The following EML5 variants were observed in gnomAD, a reference collection of about 807,000 sequenced individuals.
The protein encoded by EML5 is EMAP like 5.
Under a neutral mutation model 250.0 loss-of-function variants are expected in EML5, and 120 were observed. That is an observed-to-expected ratio of 0.48 (90% CI 0.41 to 0.56). The LOEUF (loss-of-function observed/expected upper bound fraction) is 0.56, where lower values mean the gene tolerates loss of function less well. Ranked by LOEUF, EML5 falls within the 20% of genes least tolerant of loss-of-function variation. EML5 has a pLI of 0.00. For synonymous variants in EML5, 771 were observed against 806.5 expected (o/e 0.96, Z 0.75); for missense variants, 2,006 against 2,437.6 (o/e 0.82, Z 3.73).
At position 88,643,138 on chromosome 14, in the gene EML5, G is replaced by C. The variant is rs187642452; in HGVS notation, c.4108-116C>G. ...CAGTCAAAATGGAGTATGCATTTTT[G>C]ATGTTTTACAAACTTAATATACAAA... On this transcript the variant is annotated intron_variant, in intron 30 of 43. Coordinates refer to ENST00000554922, the MANE Select transcript of EML5 (RefSeq NM_183387.3). 718 of 1,028,440 alleles carry C rather than the reference G, an allele frequency of 7.0e-4. 11 individuals carry two copies. In the East Asian group the frequency reaches 0.02, roughly 28 times the overall value. 63.7% of individuals were successfully genotyped at this position (1,028,440 alleles called of 1,614,324 possible).
chr14:88,637,751 C>T (rs1363088304), intron 32 of EML5, among the ~76,000 whole-genome samples: 2 of 152,136 alleles, frequency 1.3e-5, no homozygotes, highest in Admixed American at 6.6e-5. Flanking sequence ...TTTCTTCATT[C>T]CTCAAGGAGA....
At chr14:88,754,825 A>G (rs1297855105) in intron 1 of EML5, among the ~76,000 whole-genome samples, 154 bp from the exon 2 acceptor site, 1 of 152,216 alleles carries the variant, frequency 6.6e-6, no homozygotes, top group African/African-American at 2.4e-5. Flanking sequence ...TTTTGTTGAG[A>G]CAGAGTCTCG....
chr14:88,637,911 C>G (rs1463151070), intron 32 of EML5, among the ~76,000 whole-genome samples: 1 of 152,052 alleles, frequency 6.6e-6, no homozygotes, highest in Non-Finnish European at 1.5e-5. Flanking sequence ...AAGTAGAAAA[C>G]TGTACAAAAA....
intron 19 of EML5, among the ~76,000 whole-genome samples, chr14:88,685,698 C>T (rs976634809): frequency 6.6e-6 from 1 of 152,090 alleles, no homozygotes; most frequent in Non-Finnish European, 1.5e-5. Context: ...GTTCCACCCA[C>T]CTGGGCCTCC....
At chr14:88,703,551 AT>A (rs1258916367) in intron 13 of EML5, among the ~76,000 whole-genome samples, 2 of 152,230 alleles carry the variant, frequency 1.3e-5, no homozygotes, top group Non-Finnish European at 2.9e-5. Flanking sequence ...AATTCATAAA[AT>A]ACAACTGCAT....
At position 88,702,523 on chromosome 14, in the gene EML5, G is replaced by T. The variant is rs1286985230; in HGVS notation, c.2161C>A (p.Arg721Ser). 8 of 1,613,052 alleles carry T rather than the reference G, an allele frequency of 5.0e-6. No individual in the cohort carries two copies. The highest frequency in any genetic ancestry group is 5.9e-6 in the Non-Finnish European group (7 of 1,179,502). The change falls in exon 14 of 44, where the codon CGT (arginine) becomes AGT (serine). Residue 721 changes from arginine (R) to serine (S), a missense_variant. Physicochemically the swap from Arg to Ser is moderately radical, Grantham distance 110. Around this residue, in one of 7 missense-constraint regions of EML5, gnomAD observed 1,375 missense variants for 1,590.3 expected, o/e 0.86. Transcript: ENST00000554922. ...VIYNRQQNTQ[R>S]FYLGHDDDIL... is the part of the protein sequence containing the mutation. ...TCATCATCATGACCCAGATAAAAAC[G>T]CTGTGTGTTTTGCTGTCGATTATAA...
intron 13 of EML5, 129 bp from the exon 14 acceptor site, chr14:88,702,761 A>T: frequency 1.6e-6 from 1 of 640,854 alleles, no homozygotes. Flanking sequence ...ATACTAAACA[A>T]TTTTTTTTCA....
chr14:88,786,759 A>G (rs1057445034), intron 1 of EML5, among the ~76,000 whole-genome samples: 4 of 152,126 alleles, frequency 2.6e-5, no homozygotes, highest in Admixed American at 1.3e-4. Flanking sequence ...TGCTGCCGCC[A>G]TGTAAGAACT....
chr14:88,622,068 T>G, intron 37 of EML5: 1 of 300,844 alleles, frequency 3.3e-6, no homozygotes, highest in Non-Finnish European at 6.8e-6. Context: ...ACCACTATTC[T>G]ACTCTCCACC....
intron 32 of EML5, among the ~76,000 whole-genome samples, chr14:88,638,118 A>C (rs2090842992): frequency 6.6e-6 from 1 of 152,214 alleles, no homozygotes; most frequent in Admixed American, 6.5e-5. Flanking sequence ...CAATGATTTC[A>C]ATAAATTTTA....
At chr14:88,648,467 C>T (rs529067025) in intron 28 of EML5, among the ~76,000 whole-genome samples, 9 of 152,216 alleles carry the variant, frequency 5.9e-5, no homozygotes, top group African/African-American at 2.2e-4. Context: ...CATCTTCCTG[C>T]CACAGCATCC....
intron 14 of EML5, among the ~76,000 whole-genome samples, chr14:88,697,491 C>T (rs568104772): frequency 6.6e-6 from 1 of 152,074 alleles, no homozygotes; most frequent in East Asian, 1.9e-4. Flanking sequence ...GGTTAAAGTA[C>T]CAAGCATGTC....
intron 36 of EML5, chr14:88,623,948 GCCT>G (rs2089505097): frequency 1.3e-5 from 2 of 152,206 alleles, no homozygotes; most frequent in Non-Finnish European, 2.9e-5. Context: ...CTGAAAGCAT[GCCT>G]ATGTGCATTC....
At chr14:88,685,657 C>T (rs1398581760) in intron 19 of EML5, among the ~76,000 whole-genome samples, 4 of 151,828 alleles carry the variant, frequency 2.6e-5, no homozygotes, top group African/African-American at 9.7e-5. Flanking sequence ...GCCATTTTGC[C>T]CAGACTGATC....
At position 88,620,225 on chromosome 14, in the gene EML5, C is replaced by T. The variant is rs963720550; in HGVS notation, c.5375+529G>A. 4 of 152,144 alleles carry T rather than the reference C, an allele frequency of 2.6e-5. No homozygotes were observed. The highest frequency in any genetic ancestry group is 5.9e-5 in the Non-Finnish European group (4 of 68,050). The allele number at this position is 152,144 out of a possible 1,614,324, so 9.4% of individuals were successfully genotyped here. On this transcript the variant is annotated intron_variant, in intron 39 of 43. Transcript: ENST00000554922. This position sits in a 1 kb window ranked among gnomAD's most constrained non-coding sequence, Gnocchi z 4.3. ...TCAATAATCTTATCTACTGATCACA[C>T]GGAAGTACTCCGTAAATGGTAGCCA...
chr14:88,756,077 G>A (rs2094155113), intron 1 of EML5, among the ~76,000 whole-genome samples: 1 of 152,100 alleles, frequency 6.6e-6, no homozygotes, highest in Admixed American at 6.6e-5. Context: ...GAAGAGAGGG[G>A]TCTAAGATGA....
At chr14:88,673,304 T>C (rs559187798) in intron 21 of EML5, among the ~76,000 whole-genome samples, 68 of 152,188 alleles carry the variant, frequency 4.5e-4, no homozygotes, top group Non-Finnish European at 9.1e-4. Flanking sequence ...TATCTCAGTA[T>C]ATGCAGAAAA....
In EML5 at chr14:88,716,310, A is replaced by T. The variant is rs73327331; in HGVS notation, c.1188-1115T>A. On this transcript the variant is annotated intron_variant, in intron 8 of 43. Transcript: ENST00000554922. ...ATTTGAAGCTTCTGTACTTTTTTTT[A>T]AAGTTTCCCTGGTCAACATCACTTC... 1.4e-3 allele frequency among the ~76,000 whole-genome samples: 215 copies of T among 152,234 alleles called. 2 individuals carry two copies. The highest frequency in any genetic ancestry group is 5.1e-3 in the African/African-American group (211 of 41,540).
At chr14:88,645,303 G>T (rs1333632257) in intron 29 of EML5, among the ~76,000 whole-genome samples, 1 of 152,226 alleles carries the variant, frequency 6.6e-6, no homozygotes, top group Non-Finnish European at 1.5e-5. Context: ...TGGGATTAGA[G>T]GAGTGAGCCA....
Sources: gnomAD v4.1 joint callset for allele counts (sites outside exome capture counted in the v4.1 genomes callset) on GRCh38, gnomAD v4.1.1 for gene constraint, gnomAD v4.1.1 regional missense constraint, Gnocchi (gnomAD v3.1) non-coding constraint, MANE v1.5 for transcripts, NCBI Gene and HGNC (gene_info 2026-07-23, HGNC 2026-07-21) for gene names.